The following LRRTM4 variants were observed in gnomAD, a reference collection of about 807,000 sequenced individuals.
LRRTM4 encodes the protein leucine rich repeat transmembrane neuronal 4, also known as leucine-rich repeat transmembrane neuronal protein 4.
LRRTM4 carries 25 observed loss-of-function variants against 47.6 expected under a neutral mutation model. That is an observed-to-expected ratio of 0.53 (90% confidence interval 0.38 to 0.73). The LOEUF (loss-of-function observed/expected upper bound fraction) is 0.73. Ranked by LOEUF, LRRTM4 falls within the 30% of genes least tolerant of loss-of-function variation. The pLI is 0.00. For synonymous variants in LRRTM4, 311 were observed against 269.5 expected (o/e 1.15, Z -1.51); for missense variants, 638 against 713.4 (o/e 0.89, Z 1.20).
At chr2:76,984,473 C>T (rs748613972) in intron 3 of LRRTM4, among the ~76,000 whole-genome samples, 1 of 151,936 alleles carries the variant, frequency 6.6e-6, no homozygotes, top group African/African-American at 2.4e-5. Context: ...CTTAGCTTAC[C>T]GATATGTATG....
chr2:77,257,728 A>G (rs1456131406), intron 3 of LRRTM4, among the ~76,000 whole-genome samples: 1 of 151,466 alleles, frequency 6.6e-6, no homozygotes, highest in Non-Finnish European at 1.5e-5. Flanking sequence ...ACACACACAC[A>G]CACACACACA....
chr2:77,205,711 G>T (rs1476986506), intron 3 of LRRTM4, among the ~76,000 whole-genome samples: 1 of 152,176 alleles, frequency 6.6e-6, no homozygotes, highest in African/African-American at 2.4e-5. Context: ...AAGTTTTCGA[G>T]CAGGTTTAGG....
chr2:77,219,110 A>C (rs1674545012), intron 3 of LRRTM4, among the ~76,000 whole-genome samples: 1 of 152,158 alleles, frequency 6.6e-6, no homozygotes, highest in Non-Finnish European at 1.5e-5. Flanking sequence ...TCCCTACTGA[A>C]ATGTCATAAA....
chr2:77,457,568 G>A lies in LRRTM4; in HGVS notation c.1551+60750C>T, dbSNP rs149942495. The stretch of plus-strand genomic sequence containing the variant: ...TCATATATCTATCCTACTTGAAAAC[G>A]TTCCAATAGTTATCCACTGCCATTT... On this transcript the variant is annotated intron_variant, in intron 3 of 3. Transcript: ENST00000409884. Among the ~76,000 whole-genome samples the A allele has an allele frequency of 7.3e-3, 1,108 of 151,372 alleles. 11 individuals carry two copies. Among genetic ancestry groups the A allele is most frequent in the African/African-American group, 0.026 (1,074 of 41,116 alleles).
intron 3 of LRRTM4, among the ~76,000 whole-genome samples, chr2:76,968,886 G>A (rs1435288360): frequency 6.6e-6 from 1 of 151,680 alleles, no homozygotes; most frequent in Admixed American, 6.6e-5. Flanking sequence ...CCAGAGCTTT[G>A]TTGTCAATGT....
At chr2:77,140,779 G>C (rs553179783) in intron 3 of LRRTM4, among the ~76,000 whole-genome samples, 3 of 151,934 alleles carry the variant, frequency 2.0e-5, no homozygotes, top group African/African-American at 4.8e-5. Context: ...AGATTTACAA[G>C]AAAAAAACAA....
chr2:76,836,970 T>C (rs940590755), intron 3 of LRRTM4, among the ~76,000 whole-genome samples: 1 of 152,112 alleles, frequency 6.6e-6, no homozygotes, highest in African/African-American at 2.4e-5. Context: ...TATCCTGAAA[T>C]CCTCATGTTG....
intron 3 of LRRTM4, among the ~76,000 whole-genome samples, chr2:77,115,016 G>A (rs1671349081): frequency 6.6e-6 from 1 of 152,108 alleles, no homozygotes; most frequent in Non-Finnish European, 1.5e-5. Context: ...GTAAGCCTGA[G>A]GGTACTGCAG....
Position 76,907,720 on chromosome 2 carries a change from C to T in LRRTM4, c.1552-158804G>A, listed in dbSNP as rs1256086478. Among the ~76,000 whole-genome samples, 341 of 118,300 alleles carry T rather than the reference C, an allele frequency of 2.9e-3. 6 individuals carry two copies. Among genetic ancestry groups the T allele is most frequent in the African/African-American group, 8.3e-3 (213 of 25,760 alleles). 77.6% of individuals were successfully genotyped at this position (118,300 alleles called of 152,430 possible). A position where few individuals can be genotyped will look rare whatever the true frequency, so the allele number is the denominator to read the frequency against. On this transcript the variant is annotated intron_variant, in intron 3 of 3. Transcript: ENST00000409884. ...TCAGAGAATACTACAAACACCTCTACGCAAATAAACTAGAAAATCTAGAAG... is the reference window on the plus strand; with the variant it reads ...TCAGAGAATACTACAAACACCTCTATGCAAATAAACTAGAAAATCTAGAAG...
intron 3 of LRRTM4, among the ~76,000 whole-genome samples, chr2:76,861,724 C>G (rs763451934): frequency 1.7e-4 from 26 of 152,150 alleles, no homozygotes; most frequent in Non-Finnish European, 1.5e-5. Context: ...CCAGATGTAT[C>G]AGTAAGAAGA....
At chr2:77,004,099 A>G (rs1269467238) in intron 3 of LRRTM4, among the ~76,000 whole-genome samples, 3 of 152,220 alleles carry the variant, frequency 2.0e-5, no homozygotes, top group East Asian at 1.9e-4. Context: ...AGTAGAGCAT[A>G]AAAGTTTGAA....
At chr2:77,272,135 C>T (rs1676217966) in intron 3 of LRRTM4, among the ~76,000 whole-genome samples, 1 of 152,244 alleles carries the variant, frequency 6.6e-6, no homozygotes, top group South Asian at 2.1e-4. Context: ...ATCATTCCCT[C>T]TGTAACACTC....
At chr2:77,115,063 A>G (rs548984459) in intron 3 of LRRTM4, among the ~76,000 whole-genome samples, 6 of 152,250 alleles carry the variant, frequency 3.9e-5, no homozygotes, top group East Asian at 3.9e-4. Flanking sequence ...TCTCAACTGC[A>G]TAAGACAGAC....
intron 3 of LRRTM4, among the ~76,000 whole-genome samples, chr2:77,150,311 T>C (rs1672381093): frequency 6.6e-6 from 1 of 152,138 alleles, no homozygotes; most frequent in Non-Finnish European, 1.5e-5. Context: ...ACCAAGAAAA[T>C]TCTATACTGT....
intron 3 of LRRTM4, among the ~76,000 whole-genome samples, chr2:77,197,489 G>T (rs1673861490): frequency 6.6e-6 from 1 of 151,988 alleles, no homozygotes; most frequent in South Asian, 2.1e-4. Context: ...GAGATTATTA[G>T]ACAAAGAAAA....
chr2:77,127,603 T>TTC (rs145633402), intron 3 of LRRTM4, among the ~76,000 whole-genome samples: 5 of 151,928 alleles, frequency 3.3e-5, no homozygotes, highest in Non-Finnish European at 7.4e-5. Flanking sequence ...CCTCTCTCTC[T>TTC]TCTCTCTCTC....
intron 3 of LRRTM4, among the ~76,000 whole-genome samples, chr2:77,136,080 G>A (rs186229757): frequency 1.4e-4 from 21 of 152,214 alleles, no homozygotes; most frequent in Admixed American, 3.3e-4. Flanking sequence ...CCTGAGTGAC[G>A]CAGAAGATGG....
At chr2:77,441,829 C>T (rs1453564804) in intron 3 of LRRTM4, among the ~76,000 whole-genome samples, 3 of 152,238 alleles carry the variant, frequency 2.0e-5, no homozygotes, top group South Asian at 2.1e-4. Flanking sequence ...CACAATGTGA[C>T]TTCACATTGT....
At chr2:77,377,950 T>C (rs1672899565) in intron 3 of LRRTM4, among the ~76,000 whole-genome samples, 1 of 152,172 alleles carries the variant, frequency 6.6e-6, no homozygotes, top group Non-Finnish European at 1.5e-5. Flanking sequence ...TTTAATTTCT[T>C]TAATGTCTGT....
Sources: gnomAD v4.1 joint callset for allele counts (sites outside exome capture counted in the v4.1 genomes callset) on GRCh38, gnomAD v4.1.1 for gene constraint, MANE v1.5 for transcripts, NCBI Gene and HGNC (gene_info 2026-07-23, HGNC 2026-07-21) for gene names.